LPIN1: variants seen among roughly 807,000 people sequenced by gnomAD.
LPIN1 encodes lipin 1.
LPIN1 carries 71 observed loss-of-function variants against 107.5 expected under a neutral mutation model. The ratio of observed to expected loss-of-function variants is 0.66; its 90% confidence interval spans 0.55 to 0.80. The LOEUF (loss-of-function observed/expected upper bound fraction) is 0.80. Ranked by LOEUF, LPIN1 falls within the 30% of genes least tolerant of loss-of-function variation. The pLI, the probability that LPIN1 is intolerant of heterozygous loss-of-function variation, is 0.00. For missense variants in LPIN1, 1,043 were observed against 1,160.6 expected (o/e 0.90, Z 1.47); for synonymous variants, 445 against 452.6 (o/e 0.98, Z 0.21).
intron 1 of LPIN1, among the ~76,000 whole-genome samples, chr2:11,705,854 G>A (rs1663098779): frequency 6.6e-6 from 1 of 152,166 alleles, no homozygotes; most frequent in South Asian, 2.1e-4. Flanking sequence ...GATAGGGTTT[G>A]GCTGTGTTCC....
intron 12 of LPIN1, 69 bp downstream of exon 12, chr2:11,788,525 A>G: frequency 1.6e-6 from 2 of 1,221,224 alleles, no homozygotes; most frequent in Non-Finnish European, 2.4e-6. Flanking sequence ...GGGTGGTTGG[A>G]ATTTCACTTT....
upstream of LPIN1, among the ~76,000 whole-genome samples, chr2:11,743,244 C>T (rs553273128): frequency 4.6e-5 from 7 of 152,224 alleles, no homozygotes; most frequent in Non-Finnish European, 1.0e-4. This position sits in a 1 kb window ranked among gnomAD's most constrained non-coding sequence, Gnocchi z 4.7. Context: ...TCCTGTGCCT[C>T]AACTCTAATC....
intron 1 of LPIN1, among the ~76,000 whole-genome samples, chr2:11,748,232 C>G (rs1159340715): frequency 6.6e-6 from 1 of 152,254 alleles, no homozygotes; most frequent in Non-Finnish European, 1.5e-5. Context: ...CTCTCCTGCT[C>G]TTTGCGTGGT....
At chr2:11,694,804 C>G (rs1316183927) in intron 1 of LPIN1, among the ~76,000 whole-genome samples, 1 of 152,180 alleles carries the variant, frequency 6.6e-6, no homozygotes, top group Non-Finnish European at 1.5e-5. Context: ...TATAAAATCT[C>G]TCACACATAC....
intron 1 of LPIN1, among the ~76,000 whole-genome samples, chr2:11,725,216 G>C (rs1431483905): frequency 2.0e-5 from 3 of 152,200 alleles, no homozygotes; most frequent in Non-Finnish European, 4.4e-5. Flanking sequence ...AGCTGAGATT[G>C]TGCCACTGCA....
intron 17 of LPIN1, among the ~76,000 whole-genome samples, chr2:11,814,565 G>A (rs1680255900): frequency 6.7e-6 from 1 of 149,548 alleles, no homozygotes; most frequent in Admixed American, 6.7e-5. Context: ...TTTTGGCTTG[G>A]CTTGTTTTAA....
At chr2:11,779,769 A>C in intron 7 of LPIN1, 124 bp downstream of exon 7, 1 of 1,113,880 alleles carries the variant, frequency 9.0e-7, no homozygotes, top group Non-Finnish European at 1.3e-6. Context: ...ACCAAAATAT[A>C]TTAAGGGTTA....
In LPIN1 at chr2:11,799,297, G is replaced by A. The variant is rs527849777; in HGVS notation, c.1887-3610G>A. ...ATGGAAATCACAGCTATTCCGCCTT[G>A]CCTCCTCATCCCGCCGGCAGAGGTA... On this transcript the variant is annotated intron_variant, in intron 14 of 20. Transcript: ENST00000674199. 3.9e-5 allele frequency among the ~76,000 whole-genome samples: 6 copies of A among 151,942 alleles called. No homozygotes were observed. The South Asian group carries it at 1.0e-3, about 26-fold the overall frequency.
chr2:11,755,005 A>G (rs1180130475), intron 1 of LPIN1, among the ~76,000 whole-genome samples: 3 of 147,506 alleles, frequency 2.0e-5, no homozygotes, highest in Non-Finnish European at 4.5e-5. Flanking sequence ...AGACGGAGTC[A>G]CCCAGGCTGG....
intron 20 of LPIN1, 43 bp from the exon 21 acceptor site, chr2:11,824,589 C>T (rs770675278): frequency 3.1e-6 from 5 of 1,609,390 alleles, no homozygotes; most frequent in African/African-American, 2.7e-5. Context: ...GGGTGCATAG[C>T]TGGTATCGCT....
chr2:11,731,603 T>A (rs7570139), intron 1 of LPIN1, among the ~76,000 whole-genome samples: 1 of 152,062 alleles, frequency 6.6e-6, no homozygotes, highest in Non-Finnish European at 1.5e-5. Flanking sequence ...AATGAGATTG[T>A]TGGGTCAAAT....
chr2:11,782,131 A>G, intron 7 of LPIN1, 70 bp from the exon 8 acceptor site: 1 of 1,159,988 alleles, frequency 8.6e-7, no homozygotes, highest in East Asian at 2.3e-5. Context: ...TCCTTGGGTC[A>G]CTCAGTTTTT....
chr2:11,805,663 C>A (rs1175336527), intron 17 of LPIN1: 1 of 216,468 alleles, frequency 4.6e-6, no homozygotes, highest in African/African-American at 2.3e-5. Context: ...CACCGTGGGA[C>A]CCTCAGCCCC....
intron 1 of LPIN1, among the ~76,000 whole-genome samples, chr2:11,689,009 A>G (rs1015214625): frequency 1.3e-5 from 2 of 152,264 alleles, no homozygotes; most frequent in African/African-American, 4.8e-5. Context: ...TATGCTGAAC[A>G]CTGAATTTGA....
At chr2:11,784,510 A>G (rs922628350) in intron 9 of LPIN1, among the ~76,000 whole-genome samples, 1 of 152,090 alleles carries the variant, frequency 6.6e-6, no homozygotes, top group Non-Finnish European at 1.5e-5. Context: ...AGTAAGTGGC[A>G]GCTGTGCAGC....
At chr2:11,694,478 G>A (rs1662471869) in intron 1 of LPIN1, among the ~76,000 whole-genome samples, 2 of 152,160 alleles carry the variant, frequency 1.3e-5, no homozygotes, top group African/African-American at 2.4e-5. Flanking sequence ...CGTGCCCTCT[G>A]AACTTCTGCA....
At chr2:11,679,308 C>A (rs1320176737) in intron 1 of LPIN1, among the ~76,000 whole-genome samples, 1 of 152,162 alleles carries the variant, frequency 6.6e-6, no homozygotes, top group African/African-American at 2.4e-5. Context: ...CCAGTCCAAC[C>A]CTCGTTCTCT....
intron 17 of LPIN1, among the ~76,000 whole-genome samples, chr2:11,812,570 A>G (rs1436184453): frequency 6.6e-6 from 1 of 152,218 alleles, no homozygotes; most frequent in Non-Finnish European, 1.5e-5. Flanking sequence ...GGCATGGGCA[A>G]GTGCCAGCGC....
intron 17 of LPIN1, among the ~76,000 whole-genome samples, chr2:11,814,841 T>C (rs966040573): frequency 5.9e-5 from 9 of 152,114 alleles, no homozygotes; most frequent in African/African-American, 2.2e-4. Context: ...GGGAAAATAC[T>C]CATCCAGCCA....
Sources: allele counts gnomAD v4.1 joint callset (sites outside exome capture counted in the v4.1 genomes callset), GRCh38; gene constraint gnomAD v4.1.1; non-coding constraint Gnocchi (gnomAD v3.1); transcripts MANE v1.5; gene names NCBI Gene and HGNC (gene_info 2026-07-23, HGNC 2026-07-21).